Variants in SSBP3 observed in about 807,000 individuals in gnomAD.
The protein encoded by SSBP3 is single-stranded DNA-binding protein 3.
A neutral mutation model predicts 69.6 loss-of-function variants in SSBP3; 5 were observed. The observed-to-expected ratio is 0.07, with a 90% CI of 0.04 to 0.15. SSBP3 has a LOEUF of 0.15. Ranked by LOEUF, SSBP3 falls within the 10% of genes least tolerant of loss-of-function variation. The pLI is 1.00. For synonymous variants in SSBP3, 196 were observed against 193.4 expected (o/e 1.01, Z -0.11); for missense variants, 312 against 534.0 (o/e 0.58, Z 4.10).
At chr1:54,406,378 G>A in exon 1 of SSBP3, 1 of 165,126 alleles carries the variant, frequency 6.1e-6, no homozygotes, top group Non-Finnish European at 1.3e-5. Flanking sequence ...CGCCGCCGCC[G>A]CCGCCGCCGC....
intron 4 of SSBP3, among the ~76,000 whole-genome samples, chr1:54,401,286 CAAG>C (rs1380192601): frequency 6.6e-6 from 1 of 152,112 alleles, no homozygotes; most frequent in Non-Finnish European, 1.5e-5. Context: ...ACTAGCTTCA[CAAG>C]AATATTTTGG....
intron 4 of SSBP3, among the ~76,000 whole-genome samples, chr1:54,297,100 A>T (rs928048613): frequency 1.3e-5 from 2 of 152,172 alleles, no homozygotes; most frequent in African/African-American, 4.8e-5. Context: ...TCCTGGCTGG[A>T]TCCAGACATC....
At chr1:54,324,902 C>T (rs567471564) in intron 4 of SSBP3, among the ~76,000 whole-genome samples, 12 of 152,216 alleles carry the variant, frequency 7.9e-5, no homozygotes, top group African/African-American at 2.6e-4. Flanking sequence ...CCAAACTTCC[C>T]GGCTAGCTGA....
chr1:54,317,888 C>T (rs1646142666), intron 4 of SSBP3, among the ~76,000 whole-genome samples: 2 of 152,178 alleles, frequency 1.3e-5, no homozygotes, highest in Admixed American at 1.3e-4. Context: ...GCCTCAGCCT[C>T]CTGAGTAGCT....
At chr1:54,259,406 C>T (rs1352949117) in intron 5 of SSBP3, among the ~76,000 whole-genome samples, 2 of 152,100 alleles carry the variant, frequency 1.3e-5, no homozygotes, top group Non-Finnish European at 2.9e-5. Flanking sequence ...AAAGGACTCT[C>T]CTACCATGGG....
chr1:54,404,970 C>G (rs1037805619), intron 1 of SSBP3, 40 bp from the exon 2 acceptor site: 2 of 1,565,774 alleles, frequency 1.3e-6, no homozygotes, highest in Non-Finnish European at 1.8e-6. Flanking sequence ...GAGGGAAAGG[C>G]GTCAGATCCC....
At chr1:54,239,003 G>T in intron 14 of SSBP3, 126 bp downstream of exon 14, 1 of 872,160 alleles carries the variant, frequency 1.1e-6, no homozygotes, top group Non-Finnish European at 1.8e-6. Flanking sequence ...TTTTCTGACG[G>T]TTTATTTTAT....
At chr1:54,406,581 G>C (rs1431371755), upstream of SSBP3, among the ~76,000 whole-genome samples, 1 of 151,824 alleles carries the variant, frequency 6.6e-6, no homozygotes, top group African/African-American at 2.4e-5. Context: ...GCCGCTGCCT[G>C]CTCCTGCAGG....
chr1:54,375,353 T>TGCATGCA (rs1553147521), intron 4 of SSBP3, among the ~76,000 whole-genome samples: 68 of 151,594 alleles, frequency 4.5e-4, no homozygotes, highest in Non-Finnish European at 7.4e-5. Context: ...CATGCATGCA[T>TGCATGCA]GCATGCATTC....
intron 1 of SSBP3, among the ~76,000 whole-genome samples, chr1:54,412,278 G>A (rs1448341053): frequency 6.6e-6 from 1 of 152,090 alleles, no homozygotes; most frequent in Non-Finnish European, 1.5e-5. Context: ...GCAGTGAGCC[G>A]AGATCATGCC....
rs949365699 is a variant in SSBP3 at position 54,353,083 on chromosome 1, G to A, written c.276+48778C>T. On this transcript the variant is annotated intron_variant, in intron 4 of 17. Transcript: ENST00000610401. ...GTCATGCCATCCCCTTGGTTTCCTC[G>A]CCTGCACGGGGGCTCCAGCTGCAGG... 7.2e-5 allele frequency among the ~76,000 whole-genome samples: 11 copies of A among 152,156 alleles called. No homozygotes were observed. In the South Asian group the frequency reaches 1.0e-3, roughly 14 times the overall value.
intron 4 of SSBP3, among the ~76,000 whole-genome samples, chr1:54,298,920 A>T (rs1258734171): frequency 3.7e-5 from 2 of 54,556 alleles, no homozygotes; most frequent in Non-Finnish European, 8.8e-5. Context: ...CTCCAAAGTA[A>T]CAAAAACAAA....
At chr1:54,394,691 ACTC>A (rs1376457134) in intron 4 of SSBP3, among the ~76,000 whole-genome samples, 3 of 125,664 alleles carry the variant, frequency 2.4e-5, no homozygotes, top group African/African-American at 9.2e-5. Context: ...TCTCCTTAAG[ACTC>A]CTTTTTTTTT....
intron 4 of SSBP3, among the ~76,000 whole-genome samples, chr1:54,365,486 A>G (rs987606336): frequency 4.6e-5 from 7 of 152,244 alleles, no homozygotes; most frequent in Admixed American, 4.6e-4. Flanking sequence ...GAAAGGCAAC[A>G]AGTGGGGCGC....
At chr1:54,237,804 G>C (rs1011342796) in intron 14 of SSBP3, 3 of 250,006 alleles carry the variant, frequency 1.2e-5, no homozygotes, top group Admixed American at 4.9e-5. Flanking sequence ...CAGACTCCTA[G>C]GCAAGTGCTG....
At chr1:54,254,286 C>T (rs896766430) in intron 7 of SSBP3, among the ~76,000 whole-genome samples, 10 of 152,170 alleles carry the variant, frequency 6.6e-5, no homozygotes, top group Admixed American at 5.9e-4. Context: ...CTGCTGCATC[C>T]GCATGCTCTC....
intron 4 of SSBP3, among the ~76,000 whole-genome samples, chr1:54,314,770 C>G (rs539979261): frequency 1.3e-5 from 2 of 152,142 alleles, no homozygotes; most frequent in African/African-American, 4.8e-5. Context: ...AGTGAGCACC[C>G]GGTCAACTGG....
chr1:54,319,931 T>C (rs959303963), intron 4 of SSBP3, among the ~76,000 whole-genome samples: 2 of 152,174 alleles, frequency 1.3e-5, no homozygotes, highest in Admixed American at 6.5e-5. Flanking sequence ...TCAAACTCAC[T>C]GTCTAGACAG....
rs188782030 is a variant in SSBP3 at position 54,391,484 on chromosome 1, C to G, written c.276+10377G>C. Reference sequence around the variant, plus strand: ...GTCTATAAAGCTACGCTCTGCCCCTCTCAGAGCTCAAAGCGCTGCAGCAGT... The same window carrying G: ...GTCTATAAAGCTACGCTCTGCCCCTGTCAGAGCTCAAAGCGCTGCAGCAGT... On this transcript the variant is annotated intron_variant, in intron 4 of 17. Coordinates refer to ENST00000610401, the Ensembl canonical transcript of SSBP3. Among the ~76,000 whole-genome samples the G allele has an allele frequency of 4.6e-5, 7 of 152,350 alleles. No individual in the cohort carries two copies. The East Asian group carries it at 7.7e-4, about 17-fold the overall frequency.
Sources: allele counts gnomAD v4.1 joint callset (sites outside exome capture counted in the v4.1 genomes callset), GRCh38; gene constraint gnomAD v4.1.1; transcripts MANE v1.5; gene names NCBI Gene and HGNC (gene_info 2026-07-23, HGNC 2026-07-21).